The following SYNE1 variants were observed in gnomAD, a reference collection of about 807,000 sequenced individuals.
SYNE1 encodes spectrin repeat containing nuclear envelope protein 1.
SYNE1 carries 616 observed loss-of-function variants against 1,111.0 expected under a neutral mutation model. The observed-to-expected ratio is 0.55, with a 90% CI of 0.52 to 0.59. The LOEUF is 0.59. Ranked by LOEUF, SYNE1 falls within the 20% of genes least tolerant of loss-of-function variation. The probability of loss-of-function intolerance (pLI) is 0.00; values close to 1 mark genes in which losing one functional copy is unlikely to be tolerated. For synonymous variants in SYNE1, 3,855 were observed against 3,825.8 expected (o/e 1.01, Z -0.28); for missense variants, 10,006 against 10,417.0 (o/e 0.96, Z 1.72).
chr6:152,481,537 C>A (rs1212647519), intron 14 of SYNE1: 1 of 453,108 alleles, frequency 2.2e-6, no homozygotes, highest in Non-Finnish European at 4.4e-6. Context: ...TGCACATGTA[C>A]CCCCTGAATC....
intron 3 of SYNE1, among the ~76,000 whole-genome samples, chr6:152,596,480 T>C (rs541742428): frequency 8.3e-4 from 126 of 152,310 alleles, no homozygotes; most frequent in Non-Finnish European, 1.4e-3. Flanking sequence ...GGTCTTGAAC[T>C]CTTGACCTCG....
chr6:152,310,027 C>T lies in SYNE1; in HGVS notation c.17020-10G>A, dbSNP rs1307856395. The T allele has an allele frequency of 5.6e-6, 9 of 1,612,458 alleles. No homozygotes were observed. Among genetic ancestry groups the T allele is most frequent in the Non-Finnish European group, 6.8e-6 (8 of 1,179,744 alleles). ...TCTCAGACAACAAATGCTGAAAATG[C>T]AATTTCATAGTTCAAAAATTTAATA... is the stretch of plus-strand genomic sequence containing the variant. On this transcript the variant is annotated splice_polypyrimidine_tract_variant and intron_variant, in intron 89 of 145. Coordinates refer to ENST00000367255, the MANE Select transcript of SYNE1 (RefSeq NM_182961.4).
rs755356930 is a variant in SYNE1, at chr6:152,330,970, T to A, written c.13715A>T (p.Asp4572Val). Residue 4572 changes from aspartate (D) to valine (V), a missense_variant, in exon 78 of 146, where the codon GAT becomes GTT. Asp to Val is a radical substitution (Grantham distance 152). Coordinates refer to ENST00000367255, the MANE Select transcript of SYNE1 (RefSeq NM_182961.4). ...VSRKHFKEDFDKACHWLKQAD... is the reference protein window; with the variant it reads ...VSRKHFKEDFVKACHWLKQAD... The stretch of plus-strand genomic sequence containing the variant: ...TTGTTTTAGCCAGTGGCAAGCTTTA[T>A]CAAAATCTTCCTTAAAATGCTTCCT... The A allele has an allele frequency of 1.2e-6, 2 of 1,614,206 alleles. No homozygotes were observed. The highest frequency in any genetic ancestry group is 1.7e-6 in the Non-Finnish European group (2 of 1,180,042).
intron 101 of SYNE1, among the ~76,000 whole-genome samples, chr6:152,258,374 G>C (rs1270538816): frequency 6.6e-6 from 1 of 152,132 alleles, no homozygotes; most frequent in Non-Finnish European, 1.5e-5. Flanking sequence ...TGTTACAATT[G>C]TTCCTTTTCA....
At chr6:152,414,533 G>C (rs567994309) in intron 41 of SYNE1, among the ~76,000 whole-genome samples, 11 of 152,284 alleles carry the variant, frequency 7.2e-5, no homozygotes, top group Admixed American at 6.5e-5. Context: ...CTAAAAGATG[G>C]TGGCTGGGGG....
chr6:152,318,051 C>A (rs575189713), intron 86 of SYNE1, 30 bp downstream of exon 86: 1 of 1,613,928 alleles, frequency 6.2e-7, no homozygotes, highest in Non-Finnish European at 8.5e-7. Context: ...CTGCCTTACA[C>A]GATTTGGATT....
In SYNE1 at chr6:152,289,518, GTAGCTGGGAC is replaced by G. The variant is rs1282585144; in HGVS notation, c.18012+4060_18012+4069del. Reference sequence around the variant, plus strand: ...CAATTCTGCTGTCTCAGCCTCCTGAGTAGCTGGGACTACAGGTGTGCACCACCATGCCCAG... The same window carrying G: ...CAATTCTGCTGTCTCAGCCTCCTGAGTACAGGTGTGCACCACCATGCCCAG... On this transcript the variant is annotated intron_variant, in intron 95 of 145. Coordinates refer to ENST00000367255, the MANE Select transcript of SYNE1 (RefSeq NM_182961.4). 2.6e-5 allele frequency among the ~76,000 whole-genome samples: 4 copies of G among 152,348 alleles called. No individual in the cohort carries two copies. The East Asian group carries it at 7.7e-4, about 29-fold the overall frequency.
At chr6:152,507,491 T>A (rs2099063955) in intron 8 of SYNE1, among the ~76,000 whole-genome samples, 1 of 152,128 alleles carries the variant, frequency 6.6e-6, no homozygotes, top group South Asian at 2.1e-4. Context: ...ACACACACAC[T>A]GTTTCCTATT....
intron 3 of SYNE1, among the ~76,000 whole-genome samples, chr6:152,617,353 T>C (rs911814301): frequency 6.6e-6 from 1 of 152,226 alleles, no homozygotes; most frequent in Non-Finnish European, 1.5e-5. Context: ...TTTTAGTTTT[T>C]CAACTATTCA....
At chr6:152,197,186 C>T (rs2074327831) in intron 127 of SYNE1, among the ~76,000 whole-genome samples, 1 of 152,206 alleles carries the variant, frequency 6.6e-6, no homozygotes, top group African/African-American at 2.4e-5. Context: ...TTCCTACCCT[C>T]TTCATTGCCT....
At position 152,300,784 on chromosome 6, in the gene SYNE1, G is replaced by A. The variant is rs2095126889; in HGVS notation, c.17542-3C>T. On this transcript the variant is annotated splice_region_variant and splice_polypyrimidine_tract_variant and intron_variant, in intron 92 of 145. Transcript: ENST00000367255. ...GTGTGACAGCGACCTGCAGTCATCT[G>A]CCACGTAAAATGTAGCCCAAAGGAC... 6.2e-7 allele frequency: 1 copy of A among 1,614,224 alleles called. No homozygotes were observed. The highest frequency in any genetic ancestry group is 1.7e-5 in the Admixed American group (1 of 60,028).
rs2154147376 is a variant in SYNE1 at position 152,399,612 on chromosome 6, T to A, written c.7237+4A>T. 2 of 1,614,068 alleles carry A rather than the reference T, an allele frequency of 1.2e-6. No individual in the cohort carries two copies. The highest frequency in any genetic ancestry group is 1.7e-4 in the Middle Eastern group (1 of 6,028). On this transcript the variant is annotated splice_donor_region_variant and intron_variant, in intron 48 of 145. Coordinates refer to ENST00000367255, the MANE Select transcript of SYNE1 (RefSeq NM_182961.4). ...TACTCATGCTAAGGCCCCTCAGAAC[T>A]CACCACTGAAGTGTTTTTCCAGAGA...
At position 152,376,082 on chromosome 6, in the gene SYNE1, G is replaced by T. The variant is rs948099398; in HGVS notation, c.9324+299C>A. On this transcript the variant is annotated intron_variant, in intron 58 of 145. Coordinates refer to ENST00000367255, the MANE Select transcript of SYNE1 (RefSeq NM_182961.4). ...TTCGGGATGAAACTGTTCTACCTCA[G>T]ATCATCAGGCATTAGTTAGATTCTT... 1.2e-5 allele frequency: 4 copies of T among 340,306 alleles called. No homozygotes were observed. In the South Asian group the frequency reaches 1.2e-4, roughly 10 times the overall value. 21.1% of individuals were successfully genotyped at this position (340,306 alleles called of 1,614,324 possible).
At chr6:152,426,206 A>G (rs1171668385) in intron 38 of SYNE1, among the ~76,000 whole-genome samples, 1 of 152,258 alleles carries the variant, frequency 6.6e-6, no homozygotes, top group Non-Finnish European at 1.5e-5. Context: ...AATAATAAAA[A>G]AATATTAAGT....
In SYNE1 at chr6:152,180,118, T is replaced by C. The variant is rs775101078; in HGVS notation, c.23460+18A>G. 2 of 1,613,806 alleles carry C rather than the reference T, an allele frequency of 1.2e-6. No individual in the cohort carries two copies. The highest frequency in any genetic ancestry group is 1.7e-6 in the Non-Finnish European group (2 of 1,179,778). On this transcript the variant is annotated intron_variant, in intron 129 of 145. Coordinates refer to ENST00000367255, the MANE Select transcript of SYNE1 (RefSeq NM_182961.4). The stretch of plus-strand genomic sequence containing the variant: ...GCCTTATGAAGAATGAAAACCTAAG[T>C]AGCCATGCATTCCATACCTTCTTGA...
Position 152,353,850 on chromosome 6 carries a change from T to C in SYNE1, c.10927-106A>G, listed in dbSNP as rs78973541. On this transcript the variant is annotated intron_variant, in intron 67 of 145. Coordinates refer to ENST00000367255, the MANE Select transcript of SYNE1 (RefSeq NM_182961.4). Reference sequence around the variant, plus strand: ...GGTTTCAGTGTAGGTTTAGAAGATGTTTATTTTGAGATTTAATTTTGAAAA... The same window carrying C: ...GGTTTCAGTGTAGGTTTAGAAGATGCTTATTTTGAGATTTAATTTTGAAAA... 6,006 of 1,429,486 alleles carry C rather than the reference T, an allele frequency of 4.2e-3. 223 individuals are homozygous for C. In the African/African-American group the frequency reaches 0.077, roughly 18 times the overall value. The allele number at this position is 1,429,486 out of a possible 1,614,324, so 88.6% of individuals were successfully genotyped here.
intron 128 of SYNE1, among the ~76,000 whole-genome samples, chr6:152,186,449 G>A (rs1018700706): frequency 1.2e-4 from 18 of 150,980 alleles, no homozygotes; most frequent in African/African-American, 2.9e-4. Context: ...TCAGTTACTC[G>A]GGAGGCTGAG....
intron 40 of SYNE1, among the ~76,000 whole-genome samples, chr6:152,418,165 A>G (rs1212440663): frequency 6.6e-6 from 1 of 152,220 alleles, no homozygotes; most frequent in Non-Finnish European, 1.5e-5. Context: ...TTACTTTAGA[A>G]AACTTGTAAT....
At chr6:152,296,213 T>C (rs762750942) in intron 93 of SYNE1, among the ~76,000 whole-genome samples, 1 of 152,208 alleles carries the variant, frequency 6.6e-6, no homozygotes, top group Non-Finnish European at 1.5e-5. Flanking sequence ...TCAATAGCAC[T>C]GACAAACCCT....
Sources: gnomAD v4.1 joint callset for allele counts (sites outside exome capture counted in the v4.1 genomes callset) on GRCh38, gnomAD v4.1.1 for gene constraint, MANE v1.5 for transcripts, NCBI Gene and HGNC (gene_info 2026-07-23, HGNC 2026-07-21) for gene names.